The following PPFIA4 variants were observed in gnomAD, a reference collection of about 807,000 sequenced individuals.
The protein encoded by PPFIA4 is liprin-alpha-4.
PPFIA4 carries 98 observed loss-of-function variants against 145.7 expected under a neutral mutation model. The ratio of observed to expected loss-of-function variants is 0.67; its 90% CI spans 0.57 to 0.80. The LOEUF (loss-of-function observed/expected upper bound fraction) is 0.80, where lower values mean the gene tolerates loss of function less well. PPFIA4 is among the 30% of genes least tolerant of loss of function. The pLI is 0.00. For missense variants in PPFIA4, 1,457 were observed against 1,632.7 expected (o/e 0.89, Z 1.85); for synonymous variants, 628 against 649.6 (o/e 0.97, Z 0.51).
intron 2 of PPFIA4, among the ~76,000 whole-genome samples, chr1:203,041,252 A>T (rs1419292537): frequency 6.6e-6 from 1 of 152,178 alleles, no homozygotes; most frequent in African/African-American, 2.4e-5. Context: ...GTCTTAGGTG[A>T]TATGGAAATG....
chr1:203,041,620 G>C lies in PPFIA4; in HGVS notation c.235-1777G>C, dbSNP rs569085765. ...TTGTAGACAGCATTGTGCTTTGGGA[G>C]ATTTGTAGACAGCAGGGTGTCAGAT... On this transcript the variant is annotated intron_variant, in intron 2 of 29. Transcript: ENST00000295706. Among the ~76,000 whole-genome samples the C allele has an allele frequency of 2.6e-5, 4 of 152,280 alleles. No homozygotes were observed. The East Asian group carries it at 7.7e-4, about 29-fold the overall frequency.
At chr1:203,041,217 G>A (rs1232462664) in intron 2 of PPFIA4, among the ~76,000 whole-genome samples, 1 of 152,216 alleles carries the variant, frequency 6.6e-6, no homozygotes, top group East Asian at 1.9e-4. Context: ...GTGTTTAGAA[G>A]CAGCAGGTGA....
At position 203,048,525 on chromosome 1, in the gene PPFIA4, C is replaced by A; in HGVS notation, c.1225-58C>A. 1 of 1,551,160 alleles carries A rather than the reference C, an allele frequency of 6.4e-7. No individual in the cohort carries two copies. ...GACAGGGGAGGGAGTCAAACCCCAGCAGGAGAGGGTGGTCCTCCCTGGGAG... is the reference window on the plus strand; with the variant it reads ...GACAGGGGAGGGAGTCAAACCCCAGAAGGAGAGGGTGGTCCTCCCTGGGAG... On this transcript the variant is annotated intron_variant, in intron 10 of 29. Coordinates refer to ENST00000295706, the MANE Select transcript of PPFIA4 (RefSeq NM_001304331.2). This position sits in a 1 kb window ranked among gnomAD's most constrained non-coding sequence, Gnocchi z 5.8.
chr1:203,056,940 C>T lies in PPFIA4; in HGVS notation c.2397C>T (p.Ala799=). ...GRLIQLSRDG[A]TGHVLLTDSE... The stretch of plus-strand genomic sequence containing the variant: ...TGATCCAGCTGAGTCGGGATGGAGC[C>T]ACAGGCCATGGTCTCTGTCCCCTTC... Residue 799 remains alanine, a synonymous_variant, in exon 19 of 30, where the codon GCC becomes GCT. Coordinates refer to ENST00000295706, the MANE Select transcript of PPFIA4 (RefSeq NM_001304331.2). 5 of 1,614,040 alleles carry T rather than the reference C, an allele frequency of 3.1e-6. No homozygotes were observed. The highest frequency in any genetic ancestry group is 4.2e-6 in the Non-Finnish European group (5 of 1,179,904).
At chr1:203,036,090 C>G (rs1659232912) in intron 1 of PPFIA4, among the ~76,000 whole-genome samples, 1 of 152,228 alleles carries the variant, frequency 6.6e-6, no homozygotes, top group African/African-American at 2.4e-5. Flanking sequence ...TCCTGTTCTT[C>G]CTTCCTGAGA....
Position 203,032,426 on chromosome 1 carries a change from C to CTTTTTTTTTTT in PPFIA4, c.-400+5803_-400+5804insTTTTTTTTTTT, listed in dbSNP as rs67178955. Among the ~76,000 whole-genome samples, 29 of 59,490 alleles carry CTTTTTTTTTTT rather than the reference C, an allele frequency of 4.9e-4. 1 individual carries two copies. The highest frequency in any genetic ancestry group is 3.7e-3 in the South Asian group (8 of 2,138). 39.0% of individuals were successfully genotyped at this position (59,490 alleles called of 152,430 possible). A position where few individuals can be genotyped will look rare whatever the true frequency, so the allele number is the denominator to read the frequency against. On this transcript the variant is annotated intron_variant, in intron 1 of 29. Coordinates refer to ENST00000295706, the MANE Select transcript of PPFIA4 (RefSeq NM_001304331.2). ...GAGGCTTGTAGTTCTCCCTTCCCCG[C>CTTTTTTTTTTT]TTTTTTGTTGTTGTTGTTGTTTTTG... is the stretch of plus-strand genomic sequence containing the variant.
chr1:203,033,084 C>G (rs1658965793), intron 1 of PPFIA4, among the ~76,000 whole-genome samples: 1 of 152,220 alleles, frequency 6.6e-6, no homozygotes, highest in African/African-American at 2.4e-5. Flanking sequence ...TATTCGGCAG[C>G]TGGTACTAAC....
At chr1:203,072,072 C>T (rs1015012089) in intron 28 of PPFIA4, among the ~76,000 whole-genome samples, 1 of 152,214 alleles carries the variant, frequency 6.6e-6, no homozygotes, top group Non-Finnish European at 1.5e-5. Flanking sequence ...CAAAGATTTT[C>T]CCCAAAGGCC....
chr1:203,041,888 G>A (rs910384751), intron 2 of PPFIA4, among the ~76,000 whole-genome samples: 2 of 152,176 alleles, frequency 1.3e-5, no homozygotes, highest in Non-Finnish European at 2.9e-5. Flanking sequence ...ATCAGGCCTG[G>A]GCTTCTGGAG....
Position 203,075,331 on chromosome 1 carries a change from C to T in PPFIA4, c.3394-246C>T, listed in dbSNP as rs1288725929. ...AGGATGGCAGACCCAACAAGACTCT[C>T]CCCCGCCCCACACACCCCCTCCATC... On this transcript the variant is annotated intron_variant, in intron 28 of 29. Transcript: ENST00000295706. This position sits in a 1 kb window ranked among gnomAD's most constrained non-coding sequence, Gnocchi z 4.1. 6.6e-6 allele frequency among the ~76,000 whole-genome samples: 1 copy of T among 152,084 alleles called. No homozygotes were observed. Among genetic ancestry groups the T allele is most frequent in the African/African-American group, 2.4e-5 (1 of 41,404 alleles).
chr1:203,031,587 T>C (rs149381031), intron 1 of PPFIA4, among the ~76,000 whole-genome samples: 1,918 of 152,330 alleles, frequency 0.013, 15 homozygotes, highest in East Asian at 0.033. Context: ...CTATTAGCAC[T>C]CCGGACCCGT....
intron 1 of PPFIA4, among the ~76,000 whole-genome samples, chr1:203,028,136 G>A (rs914959658): frequency 1.3e-5 from 2 of 152,214 alleles, no homozygotes; most frequent in Non-Finnish European, 2.9e-5. Flanking sequence ...AGTGGGAGAC[G>A]CCATCTCTGG....
Position 203,055,623 on chromosome 1 carries a change from C to A in PPFIA4, c.2021C>A (p.Thr674Asn). Residue 674 changes from threonine to asparagine, a missense_variant, in exon 16 of 30, where the codon ACC becomes AAC. This residue lies in a region of PPFIA4 where 848 missense variants were observed against 1,046.7 expected (regional missense o/e 0.81). Transcript: ENST00000295706. This position sits in a 1 kb window ranked among gnomAD's most constrained non-coding sequence, Gnocchi z 4.8. Reference protein sequence around the residue: ...PLSGRSTPKLTSRSAAQDLDR... With the variant: ...PLSGRSTPKLNSRSAAQDLDR... ...AGCGGCCGCTCCACACCTAAGCTCA[C>A]CTCCCGCAGTGCTGCCCAGGACCTG... is the stretch of plus-strand genomic sequence containing the variant. 6.2e-7 allele frequency: 1 copy of A among 1,614,038 alleles called. No homozygotes were observed. The highest frequency in any genetic ancestry group is 8.5e-7 in the Non-Finnish European group (1 of 1,179,890).
chr1:203,047,724 G>A (rs1210842198), intron 9 of PPFIA4, among the ~76,000 whole-genome samples: 2 of 152,192 alleles, frequency 1.3e-5, no homozygotes, highest in Non-Finnish European at 2.9e-5. Flanking sequence ...TGATGGTCCA[G>A]TGGGCCTGGG....
chr1:203,050,275 C>T (rs989485839), intron 13 of PPFIA4, among the ~76,000 whole-genome samples: 1 of 152,236 alleles, frequency 6.6e-6, no homozygotes, highest in African/African-American at 2.4e-5. Flanking sequence ...CATCCCTTTT[C>T]TTGAAACCAT....
At position 203,060,321 on chromosome 1, in the gene PPFIA4, C is replaced by G. The variant is rs762182819; in HGVS notation, c.2688C>G (p.Ile896Met). The change falls in exon 22 of 30, where the codon ATC becomes ATG. Residue 896 changes from isoleucine to methionine, a missense_variant. Ile to Met is a conservative substitution (Grantham distance 10). Transcript: ENST00000295706. The surrounding 1 kb of genome is among the most constrained non-coding windows in gnomAD (Gnocchi z 4.8). ...ALSDTEIQRE[I>M]GISNALHRLK... ...CGGACACAGAGATCCAGCGGGAGATCGGCATCAGCAATGCCCTGCACCGGC... is the reference window on the plus strand; with the variant it reads ...CGGACACAGAGATCCAGCGGGAGATGGGCATCAGCAATGCCCTGCACCGGC... 2.5e-6 allele frequency: 4 copies of G among 1,613,964 alleles called. No homozygotes were observed. Among genetic ancestry groups the G allele is most frequent in the Non-Finnish European group, 3.4e-6 (4 of 1,179,944 alleles).
chr1:203,076,450 C>G lies in PPFIA4; in HGVS notation c.*60C>G. On this transcript the variant is annotated 3_prime_UTR_variant, in exon 30 of 30. Coordinates refer to ENST00000295706, the MANE Select transcript of PPFIA4 (RefSeq NM_001304331.2). ...TTTCACAGGCTCCTCTGGCCCTGACCCCTCTTGCTCGTTCCCCTTCCTTCC... is the reference window on the plus strand; with the variant it reads ...TTTCACAGGCTCCTCTGGCCCTGACGCCTCTTGCTCGTTCCCCTTCCTTCC... 1 of 1,503,908 alleles carries G rather than the reference C, an allele frequency of 6.6e-7. No homozygotes were observed. Among genetic ancestry groups the G allele is most frequent in the Non-Finnish European group, 9.2e-7 (1 of 1,087,988 alleles). 93.2% of individuals were successfully genotyped at this position (1,503,908 alleles called of 1,614,324 possible).
At chr1:203,039,413 C>T (rs934888674) in intron 2 of PPFIA4, among the ~76,000 whole-genome samples, 171 bp downstream of exon 2, 2 of 152,226 alleles carry the variant, frequency 1.3e-5, no homozygotes, top group Non-Finnish European at 2.9e-5. Flanking sequence ...CACTCCCATG[C>T]TCCTCAGTCT....
At chr1:203,044,310 C>A in intron 4 of PPFIA4, 69 bp from the exon 5 acceptor site, 5 of 1,434,774 alleles carry the variant, frequency 3.5e-6, no homozygotes, top group Non-Finnish European at 4.8e-6. Flanking sequence ...GTAGACCAAG[C>A]CCAGTCTCTT....
Sources: gnomAD v4.1 joint callset for allele counts (sites outside exome capture counted in the v4.1 genomes callset) on GRCh38, gnomAD v4.1.1 for gene constraint, gnomAD v4.1.1 regional missense constraint, Gnocchi (gnomAD v3.1) non-coding constraint, MANE v1.5 for transcripts, NCBI Gene and HGNC (gene_info 2026-07-23, HGNC 2026-07-21) for gene names.